Variants in SAMD5 observed in about 807,000 individuals in gnomAD.
The protein encoded by SAMD5 is sterile alpha motif domain-containing protein 5.
In SAMD5, 13 loss-of-function variants were observed where a neutral mutation model predicts 11.3. That is an observed-to-expected ratio of 1.15 (90% CI 0.75 to 1.83). SAMD5 has a LOEUF of 1.83. Among genes scored for constraint, SAMD5 ranks in the 40% most tolerant of loss-of-function variants. The probability of loss-of-function intolerance (pLI) is 0.00; values close to 1 mark genes in which losing one functional copy is unlikely to be tolerated. For synonymous variants in SAMD5, 129 were observed against 111.3 expected (o/e 1.16, Z -1.00); for missense variants, 255 against 239.1 (o/e 1.07, Z -0.44).
chr6:147,765,499 A>G, the SAMD5 span, among the ~76,000 whole-genome samples: 1 of 152,246 alleles, frequency 6.6e-6, no homozygotes, highest in Non-Finnish European at 1.5e-5. Context: ...GTTAATCCAC[A>G]AGGACAAAGA....
the SAMD5 span, among the ~76,000 whole-genome samples, chr6:147,777,339 G>A: frequency 6.5e-3 from 986 of 152,114 alleles, 26 homozygotes; most frequent in East Asian, 0.061. Context: ...TTCCTGATCC[G>A]TCCACCCACT....
At chr6:147,658,088 A>C (rs17077172) in intron 1 of SAMD5, among the ~76,000 whole-genome samples, 5,259 of 152,310 alleles carry the variant, frequency 0.035, 310 homozygotes, top group African/African-American at 0.12. Context: ...CAGGTGGTAA[A>C]AGATGATTCT....
intron 1 of SAMD5, among the ~76,000 whole-genome samples, chr6:147,625,579 A>G (rs1790038669): frequency 6.6e-6 from 1 of 152,208 alleles, no homozygotes; most frequent in Non-Finnish European, 1.5e-5. Flanking sequence ...AAACAGCATT[A>G]CCTAATCCAG....
the SAMD5 span, among the ~76,000 whole-genome samples, chr6:147,841,749 A>ACT: frequency 6.6e-6 from 1 of 151,688 alleles, no homozygotes; most frequent in East Asian, 1.9e-4. Flanking sequence ...TGGTCCAAGG[A>ACT]GACTGTTCAG....
chr6:147,810,082 T>C, the SAMD5 span, among the ~76,000 whole-genome samples: 17 of 152,214 alleles, frequency 1.1e-4, no homozygotes, highest in Non-Finnish European at 4.4e-5. Flanking sequence ...AATACATATA[T>C]AGTTTATTTT....
the SAMD5 span, among the ~76,000 whole-genome samples, chr6:147,912,506 T>C: frequency 6.6e-6 from 1 of 152,172 alleles, no homozygotes; most frequent in African/African-American, 2.4e-5. Flanking sequence ...AGGGTAAAAA[T>C]CATCTTAGGT....
chr6:147,589,241 G>A (rs532139536), intron 1 of SAMD5, among the ~76,000 whole-genome samples: 1 of 152,242 alleles, frequency 6.6e-6, no homozygotes, highest in African/African-American at 2.4e-5. Flanking sequence ...TTACAGGTGT[G>A]AGCCACCATG....
At chr6:147,570,613 T>C (rs760310770), downstream of SAMD5, among the ~76,000 whole-genome samples, 1 of 149,768 alleles carries the variant, frequency 6.7e-6, no homozygotes, top group African/African-American at 2.5e-5. Flanking sequence ...TTTTGGGTTT[T>C]ATATAAATGT....
intron 1 of SAMD5, among the ~76,000 whole-genome samples, chr6:147,525,717 T>C (rs977684186): frequency 3.3e-5 from 5 of 152,072 alleles, no homozygotes; most frequent in Non-Finnish European, 5.9e-5. Context: ...TGTCACAAAG[T>C]CTGATGAAGA....
downstream of SAMD5, among the ~76,000 whole-genome samples, chr6:147,573,471 T>TC (rs1789168278): frequency 6.6e-6 from 1 of 152,140 alleles, no homozygotes; most frequent in African/African-American, 2.4e-5. Flanking sequence ...GCCTCCATGA[T>TC]CCAGCCACCT....
chr6:147,755,090 C>A, the SAMD5 span, among the ~76,000 whole-genome samples: 3 of 151,664 alleles, frequency 2.0e-5, no homozygotes, highest in African/African-American at 4.8e-5. Context: ...TTTTCTATTT[C>A]TGAAGAATGT....
At chr6:147,709,499 C>T (rs1791368582) in intron 1 of SAMD5, among the ~76,000 whole-genome samples, 1 of 152,078 alleles carries the variant, frequency 6.6e-6, no homozygotes, top group Non-Finnish European at 1.5e-5. Context: ...TTTTGTTTTG[C>T]TTTGGTTTGG....
At chr6:147,904,723 C>T in the SAMD5 span, among the ~76,000 whole-genome samples, 3 of 152,128 alleles carry the variant, frequency 2.0e-5, no homozygotes, top group African/African-American at 4.8e-5. Context: ...CTGCTTTTCC[C>T]GCTTGCGGTT....
intron 1 of SAMD5, among the ~76,000 whole-genome samples, chr6:147,523,861 C>T (rs763904884): frequency 7.9e-5 from 12 of 152,112 alleles, no homozygotes; most frequent in Non-Finnish European, 1.5e-4. Context: ...ATAGTTGCTG[C>T]CCGGGATCAC....
chr6:147,615,285 C>T (rs1460352587), intron 1 of SAMD5, among the ~76,000 whole-genome samples: 2 of 152,146 alleles, frequency 1.3e-5, no homozygotes, highest in Non-Finnish European at 2.9e-5. Flanking sequence ...GCATATTAGA[C>T]ACTAGCCCTG....
intron 1 of SAMD5, among the ~76,000 whole-genome samples, chr6:147,606,173 A>G (rs1186661235): frequency 6.6e-6 from 1 of 152,156 alleles, no homozygotes; most frequent in African/African-American, 2.4e-5. Flanking sequence ...AGCCCAGACT[A>G]GATGACCCCA....
At chr6:147,713,851 C>T (rs994592686) in intron 1 of SAMD5, among the ~76,000 whole-genome samples, 1 of 152,134 alleles carries the variant, frequency 6.6e-6, no homozygotes, top group African/African-American at 2.4e-5. Context: ...TCCCTTGCCT[C>T]CCCTTTCATC....
chr6:147,545,750 CACAG>C (rs950255972), intron 1 of SAMD5, among the ~76,000 whole-genome samples: 2 of 152,040 alleles, frequency 1.3e-5, no homozygotes, highest in African/African-American at 4.8e-5. Context: ...ATATATAAAA[CACAG>C]ACACACACAT....
At chr6:147,798,628 A>C in the SAMD5 span, among the ~76,000 whole-genome samples, 1 of 151,658 alleles carries the variant, frequency 6.6e-6, no homozygotes, top group African/African-American at 2.4e-5. Context: ...ATCCTTGTTG[A>C]CTTTTTGTCT....
Sources: allele counts gnomAD v4.1 joint callset (sites outside exome capture counted in the v4.1 genomes callset), GRCh38; gene constraint gnomAD v4.1.1; transcripts MANE v1.5; gene names NCBI Gene and HGNC (gene_info 2026-07-23, HGNC 2026-07-21).